Variants in UBN2 observed in about 807,000 individuals in gnomAD.
The protein encoded by UBN2 is ubinuclein 2.
Under a neutral mutation model 120.2 loss-of-function variants are expected in UBN2, and 35 were observed. The ratio of observed to expected loss-of-function variants is 0.29; its 90% CI spans 0.22 to 0.39. The LOEUF is 0.39. Ranked by LOEUF, UBN2 falls within the 10% of genes least tolerant of loss-of-function variation. The probability of loss-of-function intolerance (pLI) is 1.00; values close to 1 mark genes in which losing one functional copy is unlikely to be tolerated. For missense variants in UBN2, 1,693 were observed against 1,663.2 expected (o/e 1.02, Z -0.31); for synonymous variants, 661 against 648.7 (o/e 1.02, Z -0.29).
chr7:139,239,300 C>T (rs570798249), intron 2 of UBN2, among the ~76,000 whole-genome samples: 1 of 152,144 alleles, frequency 6.6e-6, no homozygotes, highest in East Asian at 1.9e-4. Context: ...AGGCTGCATG[C>T]TGTTTCATTG....
chr7:139,231,822 C>T lies in UBN2; in HGVS notation c.338C>T (p.Ala113Val), dbSNP rs753734499. ...PLQPPPPRES[A>V]SRAEQPPRPP... The stretch of plus-strand genomic sequence containing the variant: ...CAGCCGCCCCCGCCGCGGGAGTCGG[C>T]TTCCCGGGCTGAGCAGCCGCCGCGG... Residue 113 changes from alanine (A) to valine (V), a missense_variant, in exon 1 of 18, where the codon GCT becomes GTT. Transcript: ENST00000473989. The T allele has an allele frequency of 5.4e-6, 8 of 1,489,246 alleles. No individual in the cohort carries two copies. The highest frequency in any genetic ancestry group is 4.4e-6 in the Non-Finnish European group (5 of 1,124,244). The allele number at this position is 1,489,246 out of a possible 1,614,324, so 92.3% of individuals were successfully genotyped here. A position where few individuals can be genotyped will look rare whatever the true frequency, so the allele number is the denominator to read the frequency against.
At position 139,284,130 on chromosome 7, in the gene UBN2, T is replaced by C; in HGVS notation, c.3225T>C (p.Leu1075=). Residue 1075 remains leucine (L), a synonymous_variant, in exon 15 of 18, where the codon CTT becomes CTC. Coordinates refer to ENST00000473989, the MANE Select transcript of UBN2 (RefSeq NM_173569.4). ...LSAKPSVSTK[L]ISKSNPTPKP... is the part of the protein sequence containing the mutation. ...CTAAGCCTTCAGTATCAACTAAACT[T>C]ATTTCTAAATCCAACCCAACTCCCA... The C allele has an allele frequency of 1.2e-6, 2 of 1,614,138 alleles. No homozygotes were observed. The highest frequency in any genetic ancestry group is 1.7e-6 in the Non-Finnish European group (2 of 1,180,018).
intron 2 of UBN2, among the ~76,000 whole-genome samples, 183 bp from the exon 3 acceptor site, chr7:139,251,773 C>G (rs903904931): frequency 2.0e-5 from 3 of 152,188 alleles, no homozygotes; most frequent in African/African-American, 7.2e-5. Context: ...TCTGTCCCTC[C>G]CCTTTTTATA....
At chr7:139,236,303 T>G (rs1796161456) in intron 1 of UBN2, among the ~76,000 whole-genome samples, 1 of 152,226 alleles carries the variant, frequency 6.6e-6, no homozygotes, top group Non-Finnish European at 1.5e-5. Flanking sequence ...GCTATTTCTC[T>G]TTTCTAGCTT....
At position 139,258,686 on chromosome 7, in the gene UBN2, T is replaced by C. The variant is rs1362875678; in HGVS notation, c.801+61T>C. The C allele has an allele frequency of 9.2e-6, 13 of 1,412,916 alleles. No homozygotes were observed. In the East Asian group the frequency reaches 2.9e-4, roughly 31 times the overall value. The allele number at this position is 1,412,916 out of a possible 1,614,324, so 87.5% of individuals were successfully genotyped here. On this transcript the variant is annotated intron_variant, in intron 4 of 17. Coordinates refer to ENST00000473989, the MANE Select transcript of UBN2 (RefSeq NM_173569.4). ...GTTCAATTAATAGGATTTTTTTTAATGTTACTTGTGTCACACGTGTGAATG... is the reference window on the plus strand; with the variant it reads ...GTTCAATTAATAGGATTTTTTTTAACGTTACTTGTGTCACACGTGTGAATG...
chr7:139,280,750 A>AT (rs1797584549), intron 13 of UBN2, among the ~76,000 whole-genome samples: 1 of 152,108 alleles, frequency 6.6e-6, no homozygotes, highest in East Asian at 1.9e-4. Flanking sequence ...GGTTCAAGCG[A>AT]TTCTCCTGCC....
intron 2 of UBN2, among the ~76,000 whole-genome samples, chr7:139,240,887 A>G (rs905745656): frequency 1.3e-5 from 2 of 152,224 alleles, no homozygotes; most frequent in Admixed American, 6.5e-5. Context: ...TGGTTGTTGT[A>G]CATAAATCTT....
intron 1 of UBN2, among the ~76,000 whole-genome samples, chr7:139,234,939 A>T (rs1057353047): frequency 6.6e-6 from 1 of 152,186 alleles, no homozygotes; most frequent in African/African-American, 2.4e-5. Flanking sequence ...TGGGTAGTTG[A>T]TAATTTTCAG....
intron 13 of UBN2, among the ~76,000 whole-genome samples, chr7:139,280,304 T>A (rs1797569222): frequency 6.6e-6 from 1 of 152,080 alleles, no homozygotes; most frequent in Non-Finnish European, 1.5e-5. Flanking sequence ...ATAATTTGAC[T>A]GAAAAATTTT....
At chr7:139,291,392 CA>C (rs891607809) in intron 15 of UBN2, among the ~76,000 whole-genome samples, 3 of 120,040 alleles carry the variant, frequency 2.5e-5, no homozygotes, top group African/African-American at 9.4e-5. Context: ...ACATGGAAAA[CA>C]AAAAAAATAC....
chr7:139,235,268 C>T (rs1475202069), intron 1 of UBN2, among the ~76,000 whole-genome samples: 6 of 152,168 alleles, frequency 3.9e-5, no homozygotes, highest in Non-Finnish European at 8.8e-5. Flanking sequence ...GCTTACTGTC[C>T]TTAACCTGAG....
chr7:139,258,082 C>G (rs999453654), intron 3 of UBN2, among the ~76,000 whole-genome samples: 3 of 152,186 alleles, frequency 2.0e-5, no homozygotes, highest in Non-Finnish European at 4.4e-5. Context: ...TTTTGTTATT[C>G]TTTATAAAAT....
intron 2 of UBN2, among the ~76,000 whole-genome samples, chr7:139,245,957 G>A (rs755117745): frequency 4.6e-5 from 7 of 152,196 alleles, no homozygotes; most frequent in Non-Finnish European, 8.8e-5. Flanking sequence ...TTTAACTGGT[G>A]CCATGTTAAG....
chr7:139,240,722 T>C (rs1796298470), intron 2 of UBN2, among the ~76,000 whole-genome samples: 1 of 152,158 alleles, frequency 6.6e-6, no homozygotes, highest in Non-Finnish European at 1.5e-5. Context: ...CCCTCCATTG[T>C]GTCCTATTTT....
rs1797715120 is a variant in UBN2 at position 139,284,341 on chromosome 7, C to A, written c.3436C>A (p.Pro1146Thr). 7.4e-6 allele frequency: 12 copies of A among 1,614,154 alleles called. No homozygotes were observed. In the East Asian group the frequency reaches 2.7e-4, roughly 36 times the overall value. ...GLPPTKNLQA[P>T]SKLTNSSSTG... is the part of the protein sequence containing the mutation. ...TCCACCTACAAAAAATCTTCAGGCC[C>A]CCTCAAAGCTAACAAACTCATCATC... Residue 1146 changes from proline (P) to threonine (T), a missense_variant, in exon 15 of 18, where the codon CCC becomes ACC. By Grantham distance (38) the Pro-to-Thr change is conservative. Around this residue, in one of 5 missense-constraint regions of UBN2, gnomAD observed 837 missense variants for 817.6 expected, o/e 1.02. Transcript: ENST00000473989.
Position 139,261,733 on chromosome 7 carries a change from C to T in UBN2, c.1387C>T (p.Leu463Phe), listed in dbSNP as rs752795362. Residue 463 changes from leucine to phenylalanine, a missense_variant, in exon 6 of 18, where the codon CTT becomes TTT. By Grantham distance (22) the Leu-to-Phe change is conservative. Transcript: ENST00000473989. ...ACTTCTTGAAAAACGTATCGAAGAC[C>T]TTCGTGTAGTAAGTGTAATAATTCT... Reference protein sequence around the residue: ...PVLLEKRIEDLRVAAKLFDEE... With the variant: ...PVLLEKRIEDFRVAAKLFDEE... 1.1e-5 allele frequency: 18 copies of T among 1,609,782 alleles called. No homozygotes were observed. The highest frequency in any genetic ancestry group is 1.4e-5 in the Non-Finnish European group (17 of 1,176,650).
At chr7:139,265,390 A>T (rs904653762) in intron 6 of UBN2, among the ~76,000 whole-genome samples, 2 of 152,116 alleles carry the variant, frequency 1.3e-5, no homozygotes, top group African/African-American at 4.8e-5. Flanking sequence ...AGGCAGGAGG[A>T]TCACCTAAAC....
At chr7:139,251,839 ACCT>A (rs1796632443) in intron 2 of UBN2, 114 bp from the exon 3 acceptor site, 2 of 830,114 alleles carry the variant, frequency 2.4e-6, no homozygotes, top group Admixed American at 4.4e-5. Flanking sequence ...GAGGACTTAA[ACCT>A]CCTGGAGAGG....
chr7:139,279,180 GCACTTAAATA>G (rs1476358363), intron 12 of UBN2, 128 bp from the exon 13 acceptor site: 4 of 662,216 alleles, frequency 6.0e-6, no homozygotes, highest in African/African-American at 1.9e-5. Flanking sequence ...TATAAACTGA[GCACTTAAATA>G]CGGTTCCTTC....
Sources: gnomAD v4.1 joint callset for allele counts (sites outside exome capture counted in the v4.1 genomes callset) on GRCh38, gnomAD v4.1.1 for gene constraint, gnomAD v4.1.1 regional missense constraint, MANE v1.5 for transcripts, NCBI Gene and HGNC (gene_info 2026-07-23, HGNC 2026-07-21) for gene names.